The following DAOA variants were observed in gnomAD, a reference collection of about 807,000 sequenced individuals.
DAOA encodes the protein D-amino acid oxidase activator.
Under a neutral mutation model 16.4 loss-of-function variants are expected in DAOA, and 15 were observed. That is an observed-to-expected ratio of 0.91 (90% CI 0.61 to 1.41). DAOA has a LOEUF of 1.41. DAOA is among the 40% of genes most tolerant of loss of function. DAOA has a pLI of 0.00. For missense variants in DAOA, 230 were observed against 176.8 expected, an observed-to-expected ratio of 1.30 and a Z score of -1.71; for synonymous variants, 75 against 59.1, an observed-to-expected ratio of 1.27 and a Z score of -1.23.
intron 3 of DAOA, among the ~76,000 whole-genome samples, chr13:105,469,054 G>A (rs1489454332): frequency 2.0e-5 from 3 of 152,168 alleles, no homozygotes; most frequent in Non-Finnish European, 2.9e-5. Flanking sequence ...GCAGACATCA[G>A]TATGTTTCAG....
intron 4 of DAOA, among the ~76,000 whole-genome samples, chr13:105,475,512 G>T (rs1566376824): frequency 6.6e-6 from 1 of 152,116 alleles, no homozygotes; most frequent in African/African-American, 2.4e-5. Context: ...CGTTTTATGA[G>T]ATCCTCTAAG....
intron 4 of DAOA, among the ~76,000 whole-genome samples, chr13:105,488,415 A>G (rs545891778): frequency 1.3e-5 from 2 of 152,376 alleles, no homozygotes; most frequent in East Asian, 1.9e-4. Flanking sequence ...GAGGACATGT[A>G]CACACAATGC....
intron 4 of DAOA, among the ~76,000 whole-genome samples, chr13:105,487,214 C>T (rs1351958079): frequency 5.9e-5 from 9 of 152,240 alleles, no homozygotes; most frequent in South Asian, 4.1e-4. Context: ...ATTTTGCACA[C>T]GAACCAAATC....
At chr13:105,472,439 C>A (rs746925609) in intron 3 of DAOA, 99 bp from the exon 4 acceptor site, 1 of 1,406,778 alleles carries the variant, frequency 7.1e-7, no homozygotes, top group Non-Finnish European at 9.3e-7. Flanking sequence ...GTAAAATGGA[C>A]AATTCCTACA....
intron 4 of DAOA, among the ~76,000 whole-genome samples, chr13:105,479,791 C>A (rs571738798): frequency 1.3e-5 from 2 of 152,246 alleles, no homozygotes; most frequent in African/African-American, 4.8e-5. Flanking sequence ...CCATTTAAAC[C>A]AGTAGAGACT....
chr13:105,466,252 C>G lies in DAOA; in HGVS notation c.-37C>G. 6.2e-7 allele frequency: 1 copy of G among 1,613,604 alleles called. No homozygotes were observed. Among genetic ancestry groups the G allele is most frequent in the Non-Finnish European group, 8.5e-7 (1 of 1,179,706 alleles). On this transcript the variant is annotated 5_prime_UTR_variant, in exon 2 of 6. Coordinates refer to ENST00000375936, the MANE Select transcript of DAOA (RefSeq NM_172370.5). The stretch of plus-strand genomic sequence containing the variant: ...GGCATGGCAGGAGGTCTCATCTCTG[C>G]TTCACAATGCCGATGATTTAGCTGG...
At position 105,467,033 on chromosome 13, in the gene DAOA, A is replaced by G. The variant is rs761251788; in HGVS notation, c.45-20A>G. ...GTATAAAGGAATCTGAACACGACTG[A>G]TATTTTCTTTAATTTTTAGATCCAG... On this transcript the variant is annotated intron_variant, in intron 2 of 5. Transcript: ENST00000375936. The G allele has an allele frequency of 1.7e-5, 27 of 1,606,886 alleles. No individual in the cohort carries two copies. In the East Asian group the frequency reaches 5.8e-4, roughly 35 times the overall value.
Position 105,483,203 on chromosome 13 carries a change from G to A in DAOA, c.282-6698G>A, listed in dbSNP as rs546841849. Among the ~76,000 whole-genome samples, 56 of 152,156 alleles carry A rather than the reference G, an allele frequency of 3.7e-4. 1 individual carries two copies. Among genetic ancestry groups the A allele is most frequent in the African/African-American group, 5.5e-4 (23 of 41,518 alleles). On this transcript the variant is annotated intron_variant, in intron 4 of 5. Coordinates refer to ENST00000375936, the MANE Select transcript of DAOA (RefSeq NM_172370.5). ...TATAATTATTTTTAGTCTCATCTTC[G>A]TTGAGTCGTATTCCACTGCATCACA...
intron 3 of DAOA, among the ~76,000 whole-genome samples, chr13:105,470,081 G>A (rs1430677516): frequency 7.0e-6 from 1 of 143,260 alleles, no homozygotes; most frequent in African/African-American, 2.6e-5. Context: ...GGCTGGACAT[G>A]TTTCTTTACT....
chr13:105,486,917 G>A (rs1167777800), intron 4 of DAOA, among the ~76,000 whole-genome samples: 1 of 152,084 alleles, frequency 6.6e-6, no homozygotes, highest in African/African-American at 2.4e-5. Flanking sequence ...ACGGTACCTG[G>A]CCTCAGTATT....
intron 4 of DAOA, among the ~76,000 whole-genome samples, chr13:105,483,314 G>A (rs1877880275): frequency 6.6e-6 from 1 of 152,100 alleles, no homozygotes. Context: ...GTGATAATTT[G>A]TGTAGAAGTC....
At chr13:105,489,666 C>T (rs1239491753) in intron 4 of DAOA, 5 of 923,748 alleles carry the variant, frequency 5.4e-6, no homozygotes, top group East Asian at 5.4e-5. Flanking sequence ...TATGCTTTTT[C>T]ACAGTCTTTC....
At chr13:105,466,861 A>G in intron 2 of DAOA, 192 bp from the exon 3 acceptor site, 2 of 719,388 alleles carry the variant, frequency 2.8e-6, no homozygotes. Context: ...TTTATAAAAA[A>G]AAAATGCAAA....
intron 4 of DAOA, among the ~76,000 whole-genome samples, chr13:105,486,136 A>C (rs2139202519): frequency 6.6e-6 from 1 of 152,274 alleles, no homozygotes; most frequent in Non-Finnish European, 1.5e-5. Context: ...CCTTCTTCAA[A>C]CTTTTAGTGG....
intron 4 of DAOA, among the ~76,000 whole-genome samples, chr13:105,481,478 T>C (rs1238926467): frequency 6.6e-6 from 1 of 152,160 alleles, no homozygotes; most frequent in Non-Finnish European, 1.5e-5. Flanking sequence ...ATTTCATATA[T>C]GTTTTTATTC....
In DAOA at chr13:105,467,052, G is replaced by C. The variant is rs1212847853; in HGVS notation, c.45-1G>C. ...CGACTGATATTTTCTTTAATTTTTA[G>C]ATCCAGATATACATTGGGTAAAATC... On this transcript the variant is annotated splice_acceptor_variant, in intron 2 of 5. Transcript: ENST00000375936. LOFTEE classifies it high-confidence loss of function. The C allele has an allele frequency of 6.2e-7, 1 of 1,607,716 alleles. No individual in the cohort carries two copies. Among genetic ancestry groups the C allele is most frequent in the Non-Finnish European group, 8.5e-7 (1 of 1,177,564 alleles).
rs72549492 is a variant in DAOA at position 105,489,972 on chromosome 13, C to G, written c.353C>G (p.Ala118Gly). The change falls in exon 5 of 6, where the codon GCC becomes GGC. Residue 118 changes from alanine to glycine, a missense_variant. Coordinates refer to ENST00000375936, the MANE Select transcript of DAOA (RefSeq NM_172370.5). ...ARNYEFLAYE[A>G]SKDRRQPLER... ...AACTATGAGTTCCTTGCCTATGAGG[C>G]CTCTAAGGACCGCAGGCAGCCTCTA... The G allele has an allele frequency of 2.5e-6, 4 of 1,613,460 alleles. No homozygotes were observed. The highest frequency in any genetic ancestry group is 3.4e-6 in the Non-Finnish European group (4 of 1,179,844).
At chr13:105,477,523 T>C (rs1158490075) in intron 4 of DAOA, among the ~76,000 whole-genome samples, 2 of 151,716 alleles carry the variant, frequency 1.3e-5, no homozygotes, top group Non-Finnish European at 2.9e-5. Flanking sequence ...AGCCCAGGAG[T>C]TCAAGACCAA....
At chr13:105,481,275 C>T (rs1026619787) in intron 4 of DAOA, among the ~76,000 whole-genome samples, 2 of 152,032 alleles carry the variant, frequency 1.3e-5, no homozygotes, top group African/African-American at 4.8e-5. Flanking sequence ...TTTATTACTC[C>T]CAAGAAGTCT....
Sources: allele counts gnomAD v4.1 joint callset (sites outside exome capture counted in the v4.1 genomes callset), GRCh38; gene constraint gnomAD v4.1.1; transcripts MANE v1.5; gene names NCBI Gene and HGNC (gene_info 2026-07-23, HGNC 2026-07-21).